Variants in UGT2B4 observed in about 807,000 individuals in gnomAD.
UGT2B4 encodes the protein UDP glucuronosyltransferase family 2 member B4, also known as UDP-glucuronosyltransferase 2B4.
In UGT2B4, 49 loss-of-function variants were observed where a neutral mutation model predicts 49.8. The observed-to-expected ratio is 0.98, with a 90% CI of 0.78 to 1.25. The LOEUF (loss-of-function observed/expected upper bound fraction) is 1.25. Ranked by LOEUF, UGT2B4 falls within the 50% of genes most tolerant of loss-of-function variation. The probability of loss-of-function intolerance (pLI) is 0.00; values close to 1 mark genes in which losing one functional copy is unlikely to be tolerated. For missense variants in UGT2B4, 729 were observed against 627.7 expected, an observed-to-expected ratio of 1.16 and a Z score of -1.73; for synonymous variants, 246 against 217.7, an observed-to-expected ratio of 1.13 and a Z score of -1.14.
chr4:69,487,195 A>C (rs559692772), intron 3 of UGT2B4, among the ~76,000 whole-genome samples: 2 of 152,348 alleles, frequency 1.3e-5, no homozygotes, highest in East Asian at 3.9e-4. Context: ...TCCTAGAGGC[A>C]GAAATACCAT....
intron 3 of UGT2B4, among the ~76,000 whole-genome samples, chr4:69,489,195 C>A (rs916178742): frequency 6.6e-6 from 1 of 152,066 alleles, no homozygotes; most frequent in Non-Finnish European, 1.5e-5. Context: ...ACTTTACCTG[C>A]AACTCTTAAT....
intron 1 of UGT2B4, among the ~76,000 whole-genome samples, chr4:69,515,478 A>C (rs1210949313): frequency 6.6e-6 from 1 of 152,208 alleles, no homozygotes; most frequent in East Asian, 1.9e-4. Context: ...ACAAAGGGAC[A>C]ATGCACCAGA....
Position 69,516,629 on chromosome 4 carries a change from C to T in UGT2B4, c.-106+9058G>A, listed in dbSNP as rs185492266. On this transcript the variant is annotated intron_variant, in intron 1 of 1. Transcript: ENST00000510114. Reference sequence around the variant, plus strand: ...TATTTATGTATTTATTTATTTAAGACGGGGTCTTGCTCTGTTGCCCAGGCT... The same window carrying T: ...TATTTATGTATTTATTTATTTAAGATGGGGTCTTGCTCTGTTGCCCAGGCT... Among the ~76,000 whole-genome samples, 143 of 151,638 alleles carry T rather than the reference C, an allele frequency of 9.4e-4. No homozygotes were observed. The Middle Eastern group carries it at 0.021, about 22-fold the overall frequency.
chr4:69,491,142 G>A (rs994833341), intron 2 of UGT2B4, among the ~76,000 whole-genome samples: 2 of 151,822 alleles, frequency 1.3e-5, no homozygotes, highest in African/African-American at 2.4e-5. Context: ...CACTTGTGAC[G>A]TTTATTTAGA....
chr4:69,510,110 A>G (rs909534643), intron 1 of UGT2B4, among the ~76,000 whole-genome samples: 1 of 152,158 alleles, frequency 6.6e-6, no homozygotes, highest in Non-Finnish European at 1.5e-5. Context: ...TAAGAGACTG[A>G]CATTCCTCAT....
intron 1 of UGT2B4, among the ~76,000 whole-genome samples, chr4:69,514,823 C>T (rs1245782305): frequency 6.6e-6 from 1 of 151,758 alleles, no homozygotes; most frequent in Non-Finnish European, 1.5e-5. Context: ...CATATATAGG[C>T]TTAAAATAAA....
chr4:69,497,641 G>T (rs1019211156), upstream of UGT2B4, among the ~76,000 whole-genome samples: 1 of 152,126 alleles, frequency 6.6e-6, no homozygotes, highest in Non-Finnish European at 1.5e-5. Flanking sequence ...AAATACATGA[G>T]GAGTTACTTC....
upstream of UGT2B4, among the ~76,000 whole-genome samples, chr4:69,499,436 A>G (rs183028384): frequency 3.0e-4 from 46 of 152,128 alleles, no homozygotes; most frequent in African/African-American, 1.1e-3. Flanking sequence ...TCTGTTTTGA[A>G]ACTCTGTCTA....
intron 3 of UGT2B4, 47 bp downstream of exon 3, chr4:69,489,392 C>T (rs752176376): frequency 3.1e-6 from 5 of 1,597,154 alleles, no homozygotes; most frequent in Non-Finnish European, 4.3e-6. Context: ...CAAACTTTAA[C>T]AGCCTCTTTC....
chr4:69,497,667 G>A (rs1365643525), upstream of UGT2B4, among the ~76,000 whole-genome samples: 1 of 152,216 alleles, frequency 6.6e-6, no homozygotes, highest in Non-Finnish European at 1.5e-5. Flanking sequence ...GAAGAGAAAA[G>A]AAAGTTGTTT....
intron 1 of UGT2B4, chr4:69,518,366 A>G (rs1560443822): frequency 6.6e-6 from 1 of 152,228 alleles, no homozygotes; most frequent in Non-Finnish European, 1.5e-5. Flanking sequence ...GAGCTGAGGT[A>G]GCAGAATTGT....
intron 1 of UGT2B4, among the ~76,000 whole-genome samples, chr4:69,502,119 T>TTCTTTCTTTCTC (rs1275217649): frequency 7.8e-6 from 1 of 128,244 alleles, no homozygotes; most frequent in Non-Finnish European, 1.7e-5. Context: ...CTTTCTTTCT[T>TTCTTTCTTTCTC]TCTTTCTTTC....
chr4:69,489,615 C>T (rs1379391430), intron 2 of UGT2B4, 45 bp from the exon 3 acceptor site: 1 of 1,565,568 alleles, frequency 6.4e-7, no homozygotes, highest in African/African-American at 1.4e-5. Flanking sequence ...ATTATCAGCA[C>T]AGCAAGCACT....
intron 1 of UGT2B4, among the ~76,000 whole-genome samples, chr4:69,520,783 A>C (rs1430386651): frequency 6.6e-6 from 1 of 152,122 alleles, no homozygotes; most frequent in Non-Finnish European, 1.5e-5. Context: ...CTCGGTATTA[A>C]CAGCCTGAGT....
At chr4:69,518,627 A>G (rs1464961848) in intron 1 of UGT2B4, among the ~76,000 whole-genome samples, 1 of 152,182 alleles carries the variant, frequency 6.6e-6, no homozygotes, top group Non-Finnish European at 1.5e-5. Context: ...AAATAGAGAT[A>G]ATTTTATTAC....
intron 3 of UGT2B4, among the ~76,000 whole-genome samples, chr4:69,487,322 A>G (rs1263125455): frequency 6.6e-6 from 1 of 152,244 alleles, no homozygotes; most frequent in Non-Finnish European, 1.5e-5. Context: ...TATTCACCAT[A>G]GCAAAGACAT....
intron 1 of UGT2B4, among the ~76,000 whole-genome samples, chr4:69,502,138 T>TTTCTTTCTTTCTTTC (rs1728351453): frequency 1.4e-5 from 2 of 138,102 alleles, no homozygotes; most frequent in African/African-American, 2.7e-5. Context: ...TCTTTCTTTC[T>TTTCTTTCTTTCTTTC]TTCTTTCTTT....
At chr4:69,484,409 A>G (rs919722522) in intron 5 of UGT2B4, among the ~76,000 whole-genome samples, 11 of 152,224 alleles carry the variant, frequency 7.2e-5, no homozygotes, top group African/African-American at 2.7e-4. Flanking sequence ...CAAATAAAAT[A>G]TGGCATACCC....
chr4:69,506,699 G>A (rs919897354), intron 1 of UGT2B4, among the ~76,000 whole-genome samples: 1 of 151,442 alleles, frequency 6.6e-6, no homozygotes, highest in African/African-American at 2.5e-5. Context: ...TTGTGGAAAA[G>A]GGACTCCTCC....
Sources: gnomAD v4.1 joint callset for allele counts (sites outside exome capture counted in the v4.1 genomes callset) on GRCh38, gnomAD v4.1.1 for gene constraint, MANE v1.5 for transcripts, NCBI Gene and HGNC (gene_info 2026-07-23, HGNC 2026-07-21) for gene names.